The following AHRR variants were observed in gnomAD, a reference collection of about 807,000 sequenced individuals.
AHRR encodes the protein aryl hydrocarbon receptor repressor.
AHRR carries 28 observed loss-of-function variants against 44.0 expected under a neutral mutation model. That is an observed-to-expected ratio of 0.64 (90% confidence interval 0.47 to 0.87). The LOEUF is 0.87. Ranked by LOEUF, AHRR falls within the 40% of genes least tolerant of loss-of-function variation. The pLI, the probability that AHRR is intolerant of heterozygous loss-of-function variation, is 0.00. For missense variants in AHRR, 990 were observed against 953.9 expected (o/e 1.04, Z -0.50); for synonymous variants, 434 against 407.0 (o/e 1.07, Z -0.80).
At chr5:385,954 A>C (rs931680402) in intron 4 of AHRR, among the ~76,000 whole-genome samples, 1 of 151,914 alleles carries the variant, frequency 6.6e-6, no homozygotes, top group African/African-American at 2.4e-5. Flanking sequence ...ACTGCCTTTA[A>C]CTTCACTGAT....
intron 1 of AHRR, among the ~76,000 whole-genome samples, chr5:331,808 C>T (rs559850724): frequency 3.9e-5 from 6 of 152,096 alleles, no homozygotes; most frequent in East Asian, 3.8e-4. Flanking sequence ...CTAGGTTGCA[C>T]GTTCCTTATG....
chr5:427,747 G>A, intron 7 of AHRR, 60 bp from the exon 8 acceptor site: 1 of 1,612,302 alleles, frequency 6.2e-7, no homozygotes, highest in Admixed American at 1.7e-5. Context: ...TCTGTGTCCT[G>A]TGACCACCTT....
rs1188053744 is a variant in AHRR at position 411,680 on chromosome 5, A to T, written c.352-1664A>T. Among the ~76,000 whole-genome samples, 1 of 152,218 alleles carries T rather than the reference A, an allele frequency of 6.6e-6. No individual in the cohort carries two copies. On this transcript the variant is annotated intron_variant, in intron 4 of 10. Coordinates refer to ENST00000684583, the MANE Select transcript of AHRR (RefSeq NM_001377236.1). This position sits in a 1 kb window ranked among gnomAD's most constrained non-coding sequence, Gnocchi z 4.2. ...AATATATCTGTTTTCAAATTGGCAA[A>T]GATTTCAAAAAAAGAAAAAAGGAAA...
intron 8 of AHRR, among the ~76,000 whole-genome samples, chr5:430,180 C>G (rs1736658894): frequency 6.6e-6 from 1 of 152,242 alleles, no homozygotes; most frequent in Non-Finnish European, 1.5e-5. Flanking sequence ...TCCTTAACTT[C>G]CATTAGTATT....
At chr5:398,572 C>A (rs140326407) in intron 4 of AHRR, among the ~76,000 whole-genome samples, 4 of 152,352 alleles carry the variant, frequency 2.6e-5, no homozygotes, top group Non-Finnish European at 5.9e-5. Context: ...AGGCTCTCCC[C>A]AGCAGGCAGT....
At position 404,159 on chromosome 5, in the gene AHRR, G is replaced by T; in HGVS notation, c.352-9185G>T. The T allele has an allele frequency of 1.9e-6, 1 of 536,226 alleles. No individual in the cohort carries two copies. The highest frequency in any genetic ancestry group is 1.7e-5 in the South Asian group (1 of 60,316). 33.2% of individuals were successfully genotyped at this position (536,226 alleles called of 1,614,324 possible). A position where few individuals can be genotyped will look rare whatever the true frequency, so the allele number is the denominator to read the frequency against. On this transcript the variant is annotated intron_variant, in intron 4 of 10. Coordinates refer to ENST00000684583, the MANE Select transcript of AHRR (RefSeq NM_001377236.1). This position sits in a 1 kb window ranked among gnomAD's most constrained non-coding sequence, Gnocchi z 4.1. ...TCTCTCAGCCTCAGCCGTTCCTGGT[G>T]GGTCTGCATTCCTGTCACGAGCTGG...
At chr5:420,109 C>T (rs1736001822) in intron 5 of AHRR, among the ~76,000 whole-genome samples, 1 of 152,228 alleles carries the variant, frequency 6.6e-6, no homozygotes, top group South Asian at 2.1e-4. Flanking sequence ...CTGAGGCTGC[C>T]GCCATAGAGC....
At chr5:429,810 C>G (rs534767780) in intron 8 of AHRR, among the ~76,000 whole-genome samples, 1 of 152,348 alleles carries the variant, frequency 6.6e-6, no homozygotes, top group South Asian at 2.1e-4. Context: ...TGCACAAACC[C>G]CACACGGAAA....
intron 7 of AHRR, chr5:427,510 G>C (rs1736479708): frequency 1.7e-6 from 2 of 1,154,148 alleles, no homozygotes; most frequent in South Asian, 1.4e-5. Context: ...ACCTGCGCAT[G>C]GGGTGGCACA....
At chr5:371,922 A>G (rs999664050) in intron 3 of AHRR, among the ~76,000 whole-genome samples, 1 of 152,168 alleles carries the variant, frequency 6.6e-6, no homozygotes, top group Non-Finnish European at 1.5e-5. Flanking sequence ...AGTGAAAACG[A>G]TGGAGAAGAA....
At chr5:340,688 A>ATTTTTTTT (rs539789608) in intron 1 of AHRR, among the ~76,000 whole-genome samples, 8 of 12,924 alleles carry the variant, frequency 6.2e-4, no homozygotes, top group South Asian at 4.0e-3. Context: ...ATATATATAT[A>ATTTTTTTT]TTTTTTTTTT....
At chr5:340,690 T>TATATATATATATA (rs1560881649) in intron 1 of AHRR, among the ~76,000 whole-genome samples, 2 of 15,636 alleles carry the variant, frequency 1.3e-4, no homozygotes, top group African/African-American at 6.3e-4. Context: ...ATATATATAT[T>TATATATATATATA]TTTTTTTTTT....
At chr5:368,087 C>T (rs565351213) in intron 3 of AHRR, 15 of 594,260 alleles carry the variant, frequency 2.5e-5, no homozygotes, top group African/African-American at 2.0e-4. Context: ...AATTTACCTA[C>T]GAATTCATTA....
Position 405,081 on chromosome 5 carries a change from C to CA in AHRR, c.352-8263_352-8262insA, listed in dbSNP as rs1436350528. Among the ~76,000 whole-genome samples the CA allele has an allele frequency of 6.6e-6, 1 of 152,110 alleles. No homozygotes were observed. Among genetic ancestry groups the CA allele is most frequent in the East Asian group, 1.9e-4 (1 of 5,182 alleles). On this transcript the variant is annotated intron_variant, in intron 4 of 10. Coordinates refer to ENST00000684583, the MANE Select transcript of AHRR (RefSeq NM_001377236.1). This position sits in a 1 kb window ranked among gnomAD's most constrained non-coding sequence, Gnocchi z 4.5. Reference sequence around the variant, plus strand: ...CTAAGTCCCAAGTGTTCCATGGCCCCCTCCCCCAAAGAAATGCAGCAGGTC... The same window carrying CA: ...CTAAGTCCCAAGTGTTCCATGGCCCCACTCCCCCAAAGAAATGCAGCAGGTC...
At chr5:347,963 C>T (rs1223019049) in intron 2 of AHRR, among the ~76,000 whole-genome samples, 1 of 152,152 alleles carries the variant, frequency 6.6e-6, no homozygotes, top group East Asian at 1.9e-4. Flanking sequence ...TCTGTGTGTG[C>T]CCTAAATTTT....
At chr5:431,186 C>T (rs1480612176) in intron 8 of AHRR, among the ~76,000 whole-genome samples, 29 of 152,208 alleles carry the variant, frequency 1.9e-4, no homozygotes, top group African/African-American at 4.6e-4. Context: ...AGCCCTGTCC[C>T]GGCCCTGGGG....
chr5:392,509 G>A (rs1734512295), intron 4 of AHRR, among the ~76,000 whole-genome samples: 1 of 152,186 alleles, frequency 6.6e-6, no homozygotes, highest in Admixed American at 6.5e-5. Flanking sequence ...GATGTGGCAG[G>A]TGCAGACGCG....
intron 2 of AHRR, among the ~76,000 whole-genome samples, chr5:350,066 G>A (rs1328711644): frequency 6.6e-6 from 1 of 152,162 alleles, no homozygotes; most frequent in Non-Finnish European, 1.5e-5. Flanking sequence ...TAGGTCCCCA[G>A]CTGTGCCCTT....
Position 343,925 on chromosome 5 carries a change from C to A in AHRR, c.23C>A (p.Thr8Lys). 6.2e-7 allele frequency: 1 copy of A among 1,600,404 alleles called. No individual in the cohort carries two copies. Among genetic ancestry groups the A allele is most frequent in the Non-Finnish European group, 8.5e-7 (1 of 1,174,168 alleles). The change falls in exon 2 of 11, where the codon ACG (threonine) becomes AAG (lysine). Residue 8 changes from threonine to lysine, a missense_variant. Physicochemically the swap from Thr to Lys is moderately conservative, Grantham distance 78. Transcript: ENST00000684583. The part of the protein sequence containing the change: MIPPGEC[T>K]YAGRKRRRPL... The stretch of plus-strand genomic sequence containing the variant: ...ACGATGATCCCGCCGGGGGAGTGCA[C>A]GTACGCGGGCCGGAAGCGGAGGAGG...
Sources: gnomAD v4.1 joint callset for allele counts (sites outside exome capture counted in the v4.1 genomes callset) on GRCh38, gnomAD v4.1.1 for gene constraint, Gnocchi (gnomAD v3.1) non-coding constraint, MANE v1.5 for transcripts, NCBI Gene and HGNC (gene_info 2026-07-23, HGNC 2026-07-21) for gene names.